Variants in NDUFAF6 observed in about 807,000 individuals in gnomAD.
NDUFAF6 encodes the protein NADH:ubiquinone oxidoreductase complex assembly factor 6.
NDUFAF6 carries 45 observed loss-of-function variants against 40.8 expected under a neutral mutation model. That is an observed-to-expected ratio of 1.10 (90% CI 0.87 to 1.42). The LOEUF (loss-of-function observed/expected upper bound fraction) is 1.42. Among genes scored for constraint, NDUFAF6 ranks in the 40% most tolerant of loss-of-function variants. The pLI, the probability that NDUFAF6 is intolerant of heterozygous loss-of-function variation, is 0.00. For synonymous variants in NDUFAF6, 185 were observed against 155.9 expected (o/e 1.19, Z -1.39); for missense variants, 435 against 418.5 (o/e 1.04, Z -0.34).
intron 2 of NDUFAF6, among the ~76,000 whole-genome samples, chr8:95,101,817 T>C (rs868238194): frequency 6.6e-6 from 1 of 151,840 alleles, no homozygotes; most frequent in Non-Finnish European, 1.5e-5. Flanking sequence ...AGAAAAAAAA[T>C]TGGCTTCTGT....
intron 1 of NDUFAF6, chr8:94,930,859 TGACA>T (rs773190417): frequency 3.7e-6 from 4 of 1,079,714 alleles, no homozygotes; most frequent in Non-Finnish European, 5.2e-6. Flanking sequence ...GTTTCATGGC[TGACA>T]GACAAGTTTA....
intron 1 of NDUFAF6, among the ~76,000 whole-genome samples, chr8:94,935,958 G>C (rs1199506935): frequency 6.6e-6 from 1 of 152,200 alleles, no homozygotes; most frequent in Non-Finnish European, 1.5e-5. Flanking sequence ...GGGACCAACA[G>C]CACTGCCCAG....
At chr8:94,977,874 T>C (rs1825101971) in intron 1 of NDUFAF6, among the ~76,000 whole-genome samples, 1 of 152,134 alleles carries the variant, frequency 6.6e-6, no homozygotes, top group Non-Finnish European at 1.5e-5. Context: ...CCTGAAAAGC[T>C]CTGTGACATT....
chr8:94,921,517 T>C, intron 1 of NDUFAF6, among the ~76,000 whole-genome samples: 1 of 152,132 alleles, frequency 6.6e-6, no homozygotes, highest in East Asian at 1.9e-4. Context: ...TAGAAGAAAA[T>C]TGGGATACTG....
chr8:95,045,555 T>G lies in NDUFAF6; in HGVS notation c.488T>G (p.Leu163Arg). The change falls in exon 5 of 9, where the codon CTG becomes CGG. Residue 163 changes from leucine (L) to arginine (R), a missense_variant. By Grantham distance (102) the Leu-to-Arg change is moderately radical. Transcript: ENST00000396124. ...MKIVDEREKNLDDKAYRNIKE... is the reference protein window; with the variant it reads ...MKIVDEREKNRDDKAYRNIKE... ...TTTTATTTGATGTAGGAAAAAAATC[T>G]GGATGACAAAGCATATCGTAATATC... The G allele has an allele frequency of 6.2e-7, 1 of 1,612,900 alleles. No individual in the cohort carries two copies. Among genetic ancestry groups the G allele is most frequent in the Non-Finnish European group, 8.5e-7 (1 of 1,179,108 alleles).
At chr8:94,945,414 C>A (rs1488783445) in intron 1 of NDUFAF6, 1 of 152,000 alleles carries the variant, frequency 6.6e-6, no homozygotes, top group African/African-American at 2.4e-5. Context: ...TTTCTTTTTC[C>A]TTTTTAAATA....
At chr8:95,047,260 T>G in intron 6 of NDUFAF6, 133 bp downstream of exon 6, 1 of 1,244,350 alleles carries the variant, frequency 8.0e-7, no homozygotes, top group Non-Finnish European at 1.1e-6. Flanking sequence ...AAAAATGGCC[T>G]TCCTCTTTTT....
At chr8:95,075,803 C>A in exon 10 of NDUFAF6, 2 of 814,364 alleles carry the variant, frequency 2.5e-6, no homozygotes, top group Non-Finnish European at 3.6e-6. Flanking sequence ...GCCAATCTTG[C>A]TTCACTCGAA....
At chr8:95,050,959 A>G (rs1322575018) in intron 7 of NDUFAF6, among the ~76,000 whole-genome samples, 2 of 152,218 alleles carry the variant, frequency 1.3e-5, no homozygotes, top group Admixed American at 6.5e-5. Flanking sequence ...TTCAAAAGCT[A>G]CAGTGACAAC....
chr8:94,958,591 G>A (rs1823293255), intron 1 of NDUFAF6, among the ~76,000 whole-genome samples: 1 of 124,696 alleles, frequency 8.0e-6, no homozygotes, highest in African/African-American at 3.1e-5. Flanking sequence ...CTAGAGTGCA[G>A]TGGCATGATC....
chr8:94,897,659 T>TAA (rs796318604), intron 1 of NDUFAF6, among the ~76,000 whole-genome samples: 1 of 143,796 alleles, frequency 7.0e-6, no homozygotes, highest in African/African-American at 2.5e-5. Context: ...GGCACAGGCT[T>TAA]AAAAAAAAAA....
chr8:94,980,443 T>G (rs1352625604), intron 1 of NDUFAF6, among the ~76,000 whole-genome samples: 36 of 112,318 alleles, frequency 3.2e-4, no homozygotes, highest in African/African-American at 1.1e-3. Context: ...GGTTTTTTTG[T>G]TTTTTTTTTT....
intron 1 of NDUFAF6, among the ~76,000 whole-genome samples, chr8:94,921,219 C>T (rs1223981947): frequency 1.3e-5 from 2 of 152,212 alleles, no homozygotes; most frequent in African/African-American, 2.4e-5. Flanking sequence ...GTATCTCTGT[C>T]AACTTCCCCC....
Position 95,047,118 on chromosome 8 carries a change from T to C in NDUFAF6, c.705T>C (p.Ile235=), listed in dbSNP as rs369295037. The C allele has an allele frequency of 6.2e-6, 10 of 1,614,040 alleles. No homozygotes were observed. The highest frequency in any genetic ancestry group is 1.6e-4 in the Middle Eastern group (1 of 6,082). Residue 235 remains isoleucine, a synonymous_variant, in exon 6 of 9, where the codon ATT becomes ATC. Coordinates refer to ENST00000396124, the MANE Select transcript of NDUFAF6 (RefSeq NM_152416.4). ...SRRKVFLPMD[I]CMLHGVSQED... is the part of the protein sequence containing the mutation. The stretch of plus-strand genomic sequence containing the variant: ...GAAAGGTGTTCCTTCCCATGGATAT[T>C]TGTATGCTGGTAAGGCTGTAATTTG...
rs1368219458 is a variant in NDUFAF6, at chr8:94,962,321, C to G, written c.-199+4142C>G. Reference sequence around the variant, plus strand: ...TGCTTTTTATTTTTTGAGACAGAGTCTTGCTCTATAGCCAAGGCTGGAATG... The same window carrying G: ...TGCTTTTTATTTTTTGAGACAGAGTGTTGCTCTATAGCCAAGGCTGGAATG... On this transcript the variant is annotated intron_variant, in intron 1 of 9. Coordinates refer to the NDUFAF6 transcript ENST00000396111. 2.6e-5 allele frequency among the ~76,000 whole-genome samples: 4 copies of G among 152,240 alleles called. 1 individual carries two copies. Among genetic ancestry groups the G allele is most frequent in the Admixed American group, 2.6e-4 (4 of 15,284 alleles).
intron 2 of NDUFAF6, among the ~76,000 whole-genome samples, chr8:95,004,349 CT>C (rs11422482): frequency 4.9e-4 from 45 of 92,408 alleles, no homozygotes; most frequent in African/African-American, 1.5e-3. Flanking sequence ...CTCACCATTA[CT>C]TTTTTTTTTT....
chr8:95,066,975 G>C (rs1253743646), intron 9 of NDUFAF6: 1 of 152,232 alleles, frequency 6.6e-6, no homozygotes, highest in Non-Finnish European at 1.5e-5. Flanking sequence ...TGAGGAATGT[G>C]AGGCCAACTA....
At chr8:95,004,349 C>CTTTTTT (rs11422482) in intron 2 of NDUFAF6, among the ~76,000 whole-genome samples, 72 of 92,386 alleles carry the variant, frequency 7.8e-4, no homozygotes, top group Non-Finnish European at 1.1e-3. Flanking sequence ...CTCACCATTA[C>CTTTTTT]TTTTTTTTTT....
At chr8:94,948,072 T>A (rs776822567) in intron 2 of NDUFAF6, among the ~76,000 whole-genome samples, 6 of 152,198 alleles carry the variant, frequency 3.9e-5, no homozygotes, top group Non-Finnish European at 8.8e-5. Flanking sequence ...AGAAAAGGCT[T>A]TTTTAGCAAT....
Sources: gnomAD v4.1 joint callset for allele counts (sites outside exome capture counted in the v4.1 genomes callset) on GRCh38, gnomAD v4.1.1 for gene constraint, MANE v1.5 for transcripts, NCBI Gene and HGNC (gene_info 2026-07-23, HGNC 2026-07-21) for gene names.